Variants in STAP2 observed in about 807,000 individuals in gnomAD.
STAP2 encodes signal transducing adaptor family member 2.
Under a neutral mutation model 52.7 loss-of-function variants are expected in STAP2, and 58 were observed. The observed-to-expected ratio is 1.10, with a 90% CI of 0.89 to 1.37. The LOEUF is 1.37. Among genes scored for constraint, STAP2 ranks in the 40% most tolerant of loss-of-function variants. STAP2 has a pLI of 0.00. For missense variants in STAP2, 522 were observed against 519.4 expected (o/e 1.00, Z -0.05); for synonymous variants, 231 against 210.5 (o/e 1.10, Z -0.84).
intron 9 of STAP2, among the ~76,000 whole-genome samples, chr19:4,326,519 C>T (rs1971794793): frequency 6.6e-6 from 1 of 152,128 alleles, no homozygotes; most frequent in Non-Finnish European, 1.5e-5. Flanking sequence ...AACACCCACC[C>T]GGATTCTCGG....
In STAP2 at chr19:4,328,665, G is replaced by C. The variant is rs1240524258; in HGVS notation, c.590+10C>G. On this transcript the variant is annotated intron_variant, in intron 6 of 12. Transcript: ENST00000594605. ...CTCCCACCCAGGGCTCTCCAGACGC[G>C]CATGCGCACCCGTTGTGCATCTGCC... 6.8e-7 allele frequency: 1 copy of C among 1,460,380 alleles called. No individual in the cohort carries two copies. The highest frequency in any genetic ancestry group is 3.0e-5 in the East Asian group (1 of 33,326). 90.5% of individuals were successfully genotyped at this position (1,460,380 alleles called of 1,614,324 possible).
intron 6 of STAP2, 24 bp downstream of exon 6, chr19:4,328,651 G>C: frequency 6.3e-7 from 1 of 1,577,182 alleles, no homozygotes; most frequent in Non-Finnish European, 8.6e-7. Context: ...TCCCACCCAG[G>C]GCTCTCCAGA....
In STAP2 at chr19:4,324,171, G is replaced by T; in HGVS notation, c.1174C>A (p.Gln392Lys). 6.4e-7 allele frequency: 1 copy of T among 1,551,466 alleles called. No individual in the cohort carries two copies. The change falls in exon 13 of 13, where the codon CAG becomes AAG. Residue 392 changes from glutamine (Q) to lysine (K), a missense_variant. Gln to Lys is a moderately conservative substitution (Grantham distance 53). Transcript: ENST00000594605. Reference protein sequence around the residue: ...AGLADMTAELQKKLEKRRALE... With the variant: ...AGLADMTAELKKKLEKRRALE... ...GCCCGCCTCTTCTCCAGCTTCTTCTGTAGCTCTGCCGTCATGTCTGCCAGC... is the reference window on the plus strand; with the variant it reads ...GCCCGCCTCTTCTCCAGCTTCTTCTTTAGCTCTGCCGTCATGTCTGCCAGC...
chr19:4,328,583 G>A (rs1444973785), intron 6 of STAP2, 92 bp downstream of exon 6: 57 of 1,495,492 alleles, frequency 3.8e-5, no homozygotes, highest in Non-Finnish European at 4.9e-5. Context: ...CCACTAGCGG[G>A]TCGGACTCCG....
chr19:4,330,915 G>C (rs1183398059), intron 4 of STAP2, among the ~76,000 whole-genome samples: 3 of 151,714 alleles, frequency 2.0e-5, no homozygotes, highest in Non-Finnish European at 4.4e-5. Context: ...GGGTTTCACC[G>C]TGTTGGCCAG....
Position 4,327,191 on chromosome 19 carries a change from A to G in STAP2, c.696T>C (p.Tyr232=), listed in dbSNP as rs761471935. 15 of 1,614,038 alleles carry G rather than the reference A, an allele frequency of 9.3e-6. No individual in the cohort carries two copies. The South Asian group carries it at 1.3e-4, about 14-fold the overall frequency. The change falls in exon 8 of 13, where the codon TAT becomes TAC. Residue 232 remains tyrosine, a synonymous_variant. Coordinates refer to ENST00000594605, the MANE Select transcript of STAP2 (RefSeq NM_001013841.2). ...SCTSLDAVVN[Y]FVSHTKKALV... is the part of the protein sequence containing the mutation. ...GCGCCTTTTTGGTATGCGACACGAAATAGTTGACCACGGCGTCCAGGGAGG... is the reference window on the plus strand; with the variant it reads ...GCGCCTTTTTGGTATGCGACACGAAGTAGTTGACCACGGCGTCCAGGGAGG...
At chr19:4,331,953 A>T in intron 4 of STAP2, 69 bp downstream of exon 4, 1 of 1,505,702 alleles carries the variant, frequency 6.6e-7, no homozygotes, top group Admixed American at 2.0e-5. Context: ...AAAAGAAAGA[A>T]AGAAAAAGGA....
chr19:4,327,615 A>G (rs1488039356), intron 6 of STAP2, among the ~76,000 whole-genome samples: 1 of 151,844 alleles, frequency 6.6e-6, no homozygotes, highest in Non-Finnish European at 1.5e-5. Context: ...AGCGGGGACC[A>G]GGCCCGACCG....
At position 4,327,128 on chromosome 19, in the gene STAP2, C is replaced by G. The variant is rs758939049; in HGVS notation, c.759G>C (p.Val253=). 1 of 1,614,088 alleles carries G rather than the reference C, an allele frequency of 6.2e-7. No individual in the cohort carries two copies. Among genetic ancestry groups the G allele is most frequent in the African/African-American group, 1.3e-5 (1 of 74,944 alleles). The change falls in exon 8 of 13, where the codon GTG becomes GTC. Residue 253 remains valine, a synonymous_variant. Transcript: ENST00000594605. ...ACTCCCCGAAGGGGCACCCACCTAG[C>G]ACCTTCTCGTAGTCCTCGTCTAACA... The part of the protein sequence containing the change: ...PFLLDEDYEK[V]LGYVEADKEN...
chr19:4,338,640 TC>T lies in STAP2; in HGVS notation c.102+11del. 4 of 1,385,550 alleles carry T rather than the reference TC, an allele frequency of 2.9e-6. No homozygotes were observed. The highest frequency in any genetic ancestry group is 3.8e-6 in the Non-Finnish European group (4 of 1,041,756). 85.8% of individuals were successfully genotyped at this position (1,385,550 alleles called of 1,614,324 possible). A position where few individuals can be genotyped will look rare whatever the true frequency, so the allele number is the denominator to read the frequency against. ...TGGCCCAGCAGGGCCAGCCCCCGCC[TC>T]CCCACCTTACCCGGTCACAGGGCCC... is the stretch of plus-strand genomic sequence containing the variant. On this transcript the variant is annotated intron_variant, in intron 1 of 12. Transcript: ENST00000594605.
intron 9 of STAP2, among the ~76,000 whole-genome samples, chr19:4,326,593 A>G (rs1314573520): frequency 6.6e-6 from 1 of 151,992 alleles, no homozygotes. Flanking sequence ...TTTCTACCTA[A>G]GGAGATCCTT....
chr19:4,326,318 C>T (rs1023769098), intron 9 of STAP2, among the ~76,000 whole-genome samples: 1 of 152,302 alleles, frequency 6.6e-6, no homozygotes, highest in South Asian at 2.1e-4. Flanking sequence ...TGTGTGTCAC[C>T]TTCTGGCTAG....
intron 5 of STAP2, 29 bp downstream of exon 5, chr19:4,329,932 C>A: frequency 6.3e-7 from 1 of 1,597,130 alleles, no homozygotes; most frequent in East Asian, 2.2e-5. Flanking sequence ...CCCCATCCTG[C>A]AGCCCCTCGG....
chr19:4,335,246 T>A (rs1189141257), intron 1 of STAP2, among the ~76,000 whole-genome samples: 3 of 150,438 alleles, frequency 2.0e-5, no homozygotes, highest in Non-Finnish European at 4.4e-5. Flanking sequence ...TACTCATCCA[T>A]CCATCATCCA....
intron 9 of STAP2, 112 bp from the exon 10 acceptor site, chr19:4,325,657 T>C (rs891888258): frequency 3.1e-6 from 4 of 1,286,518 alleles, no homozygotes; most frequent in Non-Finnish European, 4.2e-6. Context: ...CCTGTGTGTC[T>C]GTGTGTGTGC....
intron 4 of STAP2, among the ~76,000 whole-genome samples, chr19:4,330,417 G>A (rs968748303): frequency 6.6e-6 from 1 of 151,818 alleles, no homozygotes; most frequent in African/African-American, 2.4e-5. Context: ...AGCTACTCGG[G>A]AGGCTGGGGC....
Position 4,334,056 on chromosome 19 carries a change from A to G in STAP2, c.103-12T>C. ...AACTTCTTGTAATCCTAGGGACCAG[A>G]AGTGCAGAAAGAAGAGGTGAGCTGG... On this transcript the variant is annotated splice_polypyrimidine_tract_variant and intron_variant, in intron 1 of 12. Coordinates refer to ENST00000594605, the MANE Select transcript of STAP2 (RefSeq NM_001013841.2). 6.2e-7 allele frequency: 1 copy of G among 1,604,540 alleles called. No homozygotes were observed. The highest frequency in any genetic ancestry group is 8.5e-7 in the Non-Finnish European group (1 of 1,176,812).
At chr19:4,325,607 C>A in intron 9 of STAP2, 62 bp from the exon 10 acceptor site, 1 of 1,508,914 alleles carries the variant, frequency 6.6e-7, no homozygotes, top group Non-Finnish European at 8.8e-7. Context: ...TGCAGGTTGG[C>A]GGGGGGGTCT....
At position 4,330,764 on chromosome 19, in the gene STAP2, G is replaced by C. The variant is rs533890823; in HGVS notation, c.355-703C>G. On this transcript the variant is annotated intron_variant, in intron 4 of 12. Coordinates refer to ENST00000594605, the MANE Select transcript of STAP2 (RefSeq NM_001013841.2). Reference sequence around the variant, plus strand: ...GGAGTTTAGTTCTGTCACCAAGCTGGAGTGCAGTGGCGCGATCTTGGCTCA... The same window carrying C: ...GGAGTTTAGTTCTGTCACCAAGCTGCAGTGCAGTGGCGCGATCTTGGCTCA... Among the ~76,000 whole-genome samples the C allele has an allele frequency of 1.2e-4, 18 of 146,800 alleles. No individual in the cohort carries two copies. In the East Asian group the frequency reaches 1.9e-3, roughly 15 times the overall value.
Sources: allele counts gnomAD v4.1 joint callset (sites outside exome capture counted in the v4.1 genomes callset), GRCh38; gene constraint gnomAD v4.1.1; transcripts MANE v1.5; gene names NCBI Gene and HGNC (gene_info 2026-07-23, HGNC 2026-07-21).